MCOLN2: variants seen among roughly 807,000 people sequenced by gnomAD.
The protein encoded by MCOLN2 is mucolipin TRP cation channel 2, also known as mucolipin-2.
Under a neutral mutation model 67.5 loss-of-function variants are expected in MCOLN2, and 57 were observed. The ratio of observed to expected loss-of-function variants is 0.84; its 90% CI spans 0.68 to 1.05. MCOLN2 has a LOEUF of 1.05. MCOLN2 is among the 50% of genes least tolerant of loss of function. MCOLN2 has a pLI of 0.00. For missense variants in MCOLN2, 620 were observed against 678.8 expected, an observed-to-expected ratio of 0.91 and a Z score of 0.96; for synonymous variants, 246 against 233.3, an observed-to-expected ratio of 1.05 and a Z score of -0.50.
chr1:84,933,706 T>C (rs187343173), intron 11 of MCOLN2, among the ~76,000 whole-genome samples: 71 of 152,344 alleles, frequency 4.7e-4, no homozygotes, highest in Middle Eastern at 6.8e-3. Flanking sequence ...CAAGAACCCC[T>C]AACTCCAAGC....
chr1:84,929,715 A>G (rs1362515487), intron 12 of MCOLN2, 36 bp from the exon 13 acceptor site: 1 of 1,585,784 alleles, frequency 6.3e-7, no homozygotes, highest in Non-Finnish European at 8.6e-7. Context: ...CCTTATTTAT[A>G]AGGCATGAGA....
rs1651189039 is a variant in MCOLN2, at chr1:84,996,946, G to C, written c.-74C>G. 7.2e-7 allele frequency: 1 copy of C among 1,382,830 alleles called. No homozygotes were observed. Among genetic ancestry groups the C allele is most frequent in the Non-Finnish European group, 1.0e-6 (1 of 976,004 alleles). 85.7% of individuals were successfully genotyped at this position (1,382,830 alleles called of 1,614,324 possible). ...ACACCGTTCACGGCCGACTCATTTC[G>C]CCCTCGCCGTAACGCGTCCGCCGAA... On this transcript the variant is annotated 5_prime_UTR_variant, in exon 1 of 14. Coordinates refer to ENST00000370608, the MANE Select transcript of MCOLN2 (RefSeq NM_153259.4).
At chr1:84,939,283 T>C (rs1014420197) in intron 9 of MCOLN2, among the ~76,000 whole-genome samples, 2 of 152,176 alleles carry the variant, frequency 1.3e-5, no homozygotes, top group Non-Finnish European at 2.9e-5. Flanking sequence ...AGCTGCTCCT[T>C]TGGCAACTTA....
intron 13 of MCOLN2, among the ~76,000 whole-genome samples, chr1:84,928,130 A>G (rs528673995): frequency 6.6e-6 from 1 of 152,290 alleles, no homozygotes; most frequent in East Asian, 1.9e-4. Flanking sequence ...ACTCAGGACC[A>G]TCGTTTGGCC....
At chr1:84,990,589 A>G (rs1482966149) in intron 1 of MCOLN2, among the ~76,000 whole-genome samples, 2 of 152,086 alleles carry the variant, frequency 1.3e-5, no homozygotes, top group East Asian at 1.9e-4. Context: ...TTTTAAAGTT[A>G]CAGAATAGAT....
chr1:84,987,531 T>TATATACATATAC (rs1557665773), intron 1 of MCOLN2, among the ~76,000 whole-genome samples: 1 of 34,242 alleles, frequency 2.9e-5, no homozygotes, highest in Non-Finnish European at 7.6e-5. Context: ...TATGTATACA[T>TATATACATATAC]CTATGTATAC....
At chr1:84,936,106 G>C (rs1450802041) in intron 11 of MCOLN2, among the ~76,000 whole-genome samples, 1 of 152,124 alleles carries the variant, frequency 6.6e-6, no homozygotes, top group East Asian at 1.9e-4. Context: ...AATATATTAA[G>C]GTGCCTATTC....
chr1:84,929,720 A>G, intron 12 of MCOLN2, 41 bp from the exon 13 acceptor site: 1 of 1,584,938 alleles, frequency 6.3e-7, no homozygotes, highest in Non-Finnish European at 8.6e-7. Flanking sequence ...TTTATAAGGC[A>G]TGAGAAATTG....
intron 6 of MCOLN2, among the ~76,000 whole-genome samples, chr1:84,949,937 A>T (rs918143046): frequency 3.3e-5 from 5 of 152,236 alleles, no homozygotes; most frequent in Non-Finnish European, 5.9e-5. Flanking sequence ...TGCTTGAGGG[A>T]GCACTAAAAC....
At chr1:84,996,103 G>A in intron 1 of MCOLN2, among the ~76,000 whole-genome samples, 1 of 152,084 alleles carries the variant, frequency 6.6e-6, no homozygotes, top group East Asian at 1.9e-4. Flanking sequence ...TGACTCAATA[G>A]GGGAAAGCTA....
At chr1:84,986,871 T>C (rs952626025) in intron 1 of MCOLN2, among the ~76,000 whole-genome samples, 1 of 151,844 alleles carries the variant, frequency 6.6e-6, no homozygotes, top group Admixed American at 6.6e-5. Context: ...AATCAAAAAA[T>C]CAAAAAATAG....
At chr1:84,927,204 T>TAAAAAAAAAAA in intron 13 of MCOLN2, among the ~76,000 whole-genome samples, 1 of 138,376 alleles carries the variant, frequency 7.2e-6, no homozygotes, top group Non-Finnish European at 1.6e-5. Flanking sequence ...AAAGTAAAAT[T>TAAAAAAAAAAA]AAAAAAAAAA....
At chr1:84,964,352 C>T (rs1444729120) in intron 2 of MCOLN2, among the ~76,000 whole-genome samples, 1 of 152,164 alleles carries the variant, frequency 6.6e-6, no homozygotes, top group East Asian at 1.9e-4. Context: ...TCTTTACACA[C>T]CTCTACACTG....
intron 11 of MCOLN2, among the ~76,000 whole-genome samples, chr1:84,933,170 A>G (rs1010394735): frequency 2.5e-4 from 38 of 152,180 alleles, no homozygotes; most frequent in African/African-American, 8.9e-4. Context: ...GTGTACTTCA[A>G]GACCAAGTGC....
chr1:84,952,391 A>G (rs747944586), intron 5 of MCOLN2, 52 bp from the exon 6 acceptor site: 6 of 1,565,590 alleles, frequency 3.8e-6, no homozygotes, highest in East Asian at 2.2e-5. Flanking sequence ...ACTATATACT[A>G]TTCTCCTTCT....
chr1:84,947,397 C>T (rs937528239), intron 6 of MCOLN2, among the ~76,000 whole-genome samples: 5 of 152,030 alleles, frequency 3.3e-5, no homozygotes, highest in Non-Finnish European at 7.4e-5. Context: ...CTGGAGAGCA[C>T]CAGGGTAGCA....
chr1:84,955,371 G>A (rs559570815), intron 4 of MCOLN2, among the ~76,000 whole-genome samples: 6 of 152,234 alleles, frequency 3.9e-5, no homozygotes, highest in African/African-American at 1.4e-4. Flanking sequence ...TGCGAAACAT[G>A]TTTGAACTGA....
In MCOLN2 at chr1:84,937,759, T is replaced by C. The variant is rs747094645; in HGVS notation, c.1331A>G (p.Asp444Gly). Residue 444 changes from aspartate to glycine, a missense_variant, in exon 11 of 14, where the codon GAC becomes GGC. Asp to Gly is a moderately conservative substitution (Grantham distance 94). Coordinates refer to ENST00000370608, the MANE Select transcript of MCOLN2 (RefSeq NM_153259.4). ...CGWIVLGPYH[D>G]KFENLNTVAE... ...GGAAGAATGTGAGCTACACACCTTG[T>C]CATGGTATGGTCCTAAGACAATCCA... The C allele has an allele frequency of 4.3e-6, 7 of 1,614,072 alleles. No individual in the cohort carries two copies. Among genetic ancestry groups the C allele is most frequent in the East Asian group, 4.5e-5 (2 of 44,900 alleles).
At chr1:84,957,495 G>C (rs567047868) in intron 3 of MCOLN2, among the ~76,000 whole-genome samples, 2 of 152,280 alleles carry the variant, frequency 1.3e-5, no homozygotes, top group African/African-American at 4.8e-5. Flanking sequence ...ACAATTGGAA[G>C]ATTTTGTCTG....
Sources: allele counts gnomAD v4.1 joint callset (sites outside exome capture counted in the v4.1 genomes callset), GRCh38; gene constraint gnomAD v4.1.1; transcripts MANE v1.5; gene names NCBI Gene and HGNC (gene_info 2026-07-23, HGNC 2026-07-21).